GALNTL6: variants seen among roughly 807,000 people sequenced by gnomAD.
The protein encoded by GALNTL6 is polypeptide N-acetylgalactosaminyltransferase-like 6.
GALNTL6 carries 46 observed loss-of-function variants against 73.7 expected under a neutral mutation model. The observed-to-expected ratio is 0.62, with a 90% confidence interval of 0.49 to 0.80. The LOEUF (loss-of-function observed/expected upper bound fraction) is 0.80, where lower values mean the gene tolerates loss of function less well. Ranked by LOEUF, GALNTL6 falls within the 30% of genes least tolerant of loss-of-function variation. The pLI is 0.00. For missense variants in GALNTL6, 604 were observed against 755.0 expected (o/e 0.80, Z 2.34); for synonymous variants, 259 against 263.7 (o/e 0.98, Z 0.17).
chr4:172,668,543 T>C (rs1231910393), intron 5 of GALNTL6: 2 of 152,138 alleles, frequency 1.3e-5, no homozygotes, highest in Non-Finnish European at 2.9e-5. Flanking sequence ...TAAGGAGATA[T>C]TGGGTACCCT....
intron 5 of GALNTL6, among the ~76,000 whole-genome samples, chr4:172,675,184 T>C (rs1016803630): frequency 6.6e-6 from 1 of 152,184 alleles, no homozygotes; most frequent in African/African-American, 2.4e-5. Flanking sequence ...AGGGTTTGAT[T>C]GTAGTATAAG....
chr4:172,535,419 T>C (rs1735314782), intron 5 of GALNTL6, among the ~76,000 whole-genome samples: 1 of 152,188 alleles, frequency 6.6e-6, no homozygotes, highest in African/African-American at 2.4e-5. Context: ...CCACACCATG[T>C]TTTTCACTGA....
chr4:172,532,274 A>C (rs1427208551), intron 5 of GALNTL6, among the ~76,000 whole-genome samples: 1 of 152,184 alleles, frequency 6.6e-6, no homozygotes, highest in Non-Finnish European at 1.5e-5. Context: ...ATAAGAAGAG[A>C]GACAGACACA....
At chr4:172,481,227 T>C (rs1309994002) in intron 5 of GALNTL6, among the ~76,000 whole-genome samples, 3 of 151,842 alleles carry the variant, frequency 2.0e-5, no homozygotes, top group Non-Finnish European at 4.4e-5. Context: ...AGTCGGGAGT[T>C]GTTCCTTCCT....
chr4:172,326,444 C>T (rs1009811601), intron 4 of GALNTL6, among the ~76,000 whole-genome samples: 2 of 151,986 alleles, frequency 1.3e-5, no homozygotes, highest in Non-Finnish European at 2.9e-5. Flanking sequence ...GCCTCTTTAA[C>T]ATGAGATAAA....
intron 8 of GALNTL6, among the ~76,000 whole-genome samples, chr4:172,916,684 T>G (rs933271474): frequency 5.9e-5 from 9 of 152,122 alleles, no homozygotes; most frequent in Non-Finnish European, 1.3e-4. Flanking sequence ...GGAATCGAAC[T>G]TACAAGGGAT....
rs117448607 is a variant in GALNTL6, at chr4:172,211,030, G to A, written c.139-18626G>A. ...TTGAAAGCTCTTTCAGTTGGCTCTTGTGTTTCTCTGAATCATTCACATCCT... is the reference window on the plus strand; with the variant it reads ...TTGAAAGCTCTTTCAGTTGGCTCTTATGTTTCTCTGAATCATTCACATCCT... On this transcript the variant is annotated intron_variant, in intron 2 of 12. Transcript: ENST00000506823. Among the ~76,000 whole-genome samples, 705 of 152,234 alleles carry A rather than the reference G, an allele frequency of 4.6e-3. 8 individuals are homozygous for A. In the East Asian group the frequency reaches 0.047, roughly 10 times the overall value.
intron 5 of GALNTL6, among the ~76,000 whole-genome samples, chr4:172,696,555 G>A (rs1426243469): frequency 6.6e-6 from 1 of 152,040 alleles, no homozygotes; most frequent in Non-Finnish European, 1.5e-5. Context: ...GAATCATGGG[G>A]GCAGGTCTTT....
At chr4:172,266,801 A>G (rs1286733161) in intron 3 of GALNTL6, among the ~76,000 whole-genome samples, 1 of 152,140 alleles carries the variant, frequency 6.6e-6, no homozygotes, top group Non-Finnish European at 1.5e-5. Context: ...CTAAACCCAA[A>G]TAGTGAACAC....
At chr4:171,939,763 G>T (rs1738468870) in intron 2 of GALNTL6, among the ~76,000 whole-genome samples, 1 of 151,886 alleles carries the variant, frequency 6.6e-6, no homozygotes, top group Non-Finnish European at 1.5e-5. Flanking sequence ...TGTTTATCAG[G>T]ATCAAAGTTA....
intron 6 of GALNTL6, 46 bp from the exon 7 acceptor site, chr4:172,813,494 A>G: frequency 6.7e-7 from 1 of 1,502,082 alleles, no homozygotes; most frequent in Non-Finnish European, 9.2e-7. Flanking sequence ...ATGATAGATG[A>G]CCTAGGCAGG....
rs531388296 is a variant in GALNTL6 at position 172,401,461 on chromosome 4, G to A, written c.553+52772G>A. On this transcript the variant is annotated intron_variant, in intron 5 of 12. Transcript: ENST00000506823. ...ATTTGTTATGGTCATTTCTATATAG[G>A]TTAAATCTCATCTTATTTTAACCTT... Among the ~76,000 whole-genome samples the A allele has an allele frequency of 3.9e-5, 6 of 152,082 alleles. No homozygotes were observed. In the South Asian group the frequency reaches 1.2e-3, roughly 32 times the overall value.
chr4:172,054,508 C>A (rs1730966670), intron 2 of GALNTL6, among the ~76,000 whole-genome samples: 1 of 152,100 alleles, frequency 6.6e-6, no homozygotes, highest in African/African-American at 2.4e-5. Flanking sequence ...CCAGCAGGTT[C>A]AATATCCGGT....
At chr4:172,409,531 A>G (rs927657600) in intron 5 of GALNTL6, among the ~76,000 whole-genome samples, 5 of 151,992 alleles carry the variant, frequency 3.3e-5, no homozygotes, top group African/African-American at 1.2e-4. Flanking sequence ...TGAACTTACA[A>G]TCACAAGACA....
At chr4:172,594,157 C>T (rs1322300423) in intron 5 of GALNTL6, among the ~76,000 whole-genome samples, 2 of 151,972 alleles carry the variant, frequency 1.3e-5, no homozygotes, top group Non-Finnish European at 2.9e-5. Context: ...TCAGCCTGGC[C>T]AAGATGGTGA....
At chr4:172,658,161 A>AAAAAAAAG in intron 5 of GALNTL6, among the ~76,000 whole-genome samples, 1 of 118,686 alleles carries the variant, frequency 8.4e-6, no homozygotes, top group African/African-American at 3.2e-5. Context: ...AAAAAAAAAA[A>AAAAAAAAG]AAAAAAAAGA....
intron 2 of GALNTL6, among the ~76,000 whole-genome samples, chr4:172,088,504 G>C (rs537271490): frequency 3.9e-5 from 6 of 152,142 alleles, no homozygotes; most frequent in Non-Finnish European, 8.8e-5. Context: ...AAATGGGGCC[G>C]TCTGAGGGAT....
chr4:172,223,765 G>A (rs1736762678), intron 2 of GALNTL6, among the ~76,000 whole-genome samples: 1 of 152,070 alleles, frequency 6.6e-6, no homozygotes, highest in Non-Finnish European at 1.5e-5. Context: ...ACTTATTAAT[G>A]ATATGATGTA....
chr4:172,526,895 GGAGT>G (rs757372289), intron 5 of GALNTL6, among the ~76,000 whole-genome samples: 141 of 135,082 alleles, frequency 1.0e-3, no homozygotes, highest in East Asian at 7.1e-4. Context: ...GGCCTGACAA[GGAGT>G]GACATTTGGC....
Sources: gnomAD v4.1 joint callset for allele counts (sites outside exome capture counted in the v4.1 genomes callset) on GRCh38, gnomAD v4.1.1 for gene constraint, MANE v1.5 for transcripts, NCBI Gene and HGNC (gene_info 2026-07-23, HGNC 2026-07-21) for gene names.